The following CHIC2 variants were observed in gnomAD, a reference collection of about 807,000 sequenced individuals.
The protein encoded by CHIC2 is cysteine rich hydrophobic domain 2.
CHIC2 carries 14 observed loss-of-function variants against 25.9 expected under a neutral mutation model. The ratio of observed to expected loss-of-function variants is 0.54; its 90% confidence interval spans 0.36 to 0.85. The LOEUF is 0.85. CHIC2 is among the 40% of genes least tolerant of loss of function. The pLI, the probability that CHIC2 is intolerant of heterozygous loss-of-function variation, is 0.01. For synonymous variants in CHIC2, 70 were observed against 72.0 expected, an observed-to-expected ratio of 0.97 and a Z score of 0.14; for missense variants, 146 against 202.0, an observed-to-expected ratio of 0.72 and a Z score of 1.68.
the CHIC2 span, among the ~76,000 whole-genome samples, chr4:54,081,883 C>G: frequency 9.2e-4 from 140 of 152,110 alleles, no homozygotes; most frequent in Non-Finnish European, 1.5e-3. Flanking sequence ...CATTGGGAAG[C>G]AAATGTTTTG....
chr4:54,057,968 T>C (rs1385456214), intron 1 of CHIC2, among the ~76,000 whole-genome samples: 1 of 152,126 alleles, frequency 6.6e-6, no homozygotes, highest in African/African-American at 2.4e-5. Flanking sequence ...AGCCCACATA[T>C]GAAATTTAAA....
At chr4:54,056,819 T>C (rs1717191186) in intron 1 of CHIC2, among the ~76,000 whole-genome samples, 2 of 152,182 alleles carry the variant, frequency 1.3e-5, no homozygotes, top group Non-Finnish European at 2.9e-5. Context: ...ACAATTTTTT[T>C]CCTCAAATCT....
chr4:54,087,738 C>T, the CHIC2 span: 18 of 508,598 alleles, frequency 3.5e-5, no homozygotes, highest in Middle Eastern at 3.0e-4. Flanking sequence ...TTTTTACTGG[C>T]GGTGATTACA....
intron 3 of CHIC2, among the ~76,000 whole-genome samples, chr4:54,046,187 G>A (rs946127621): frequency 2.6e-5 from 4 of 152,176 alleles, no homozygotes; most frequent in African/African-American, 9.7e-5. Context: ...CATGCTCATG[G>A]ATAGCAAGAA....
chr4:54,052,133 T>TTTA (rs1717023508), intron 1 of CHIC2, among the ~76,000 whole-genome samples: 1 of 152,188 alleles, frequency 6.6e-6, no homozygotes, highest in Non-Finnish European at 1.5e-5. Flanking sequence ...CCTTTTTTTT[T>TTTA]AATCCAAATC....
chr4:54,039,232 G>A (rs970235717), intron 3 of CHIC2, among the ~76,000 whole-genome samples: 5 of 151,800 alleles, frequency 3.3e-5, no homozygotes, highest in Admixed American at 6.6e-5. Flanking sequence ...TTTTTAAAGC[G>A]ATGAATTCAT....
intron 3 of CHIC2, among the ~76,000 whole-genome samples, chr4:54,032,646 TAC>T (rs917239772): frequency 9.4e-5 from 14 of 149,544 alleles, no homozygotes; most frequent in African/African-American, 3.3e-4. Flanking sequence ...TATACCTAAT[TAC>T]AGAGTGCCAA....
chr4:54,067,807 A>G (rs1325631996), upstream of CHIC2, among the ~76,000 whole-genome samples: 1 of 152,112 alleles, frequency 6.6e-6, no homozygotes, highest in Non-Finnish European at 1.5e-5. Context: ...CAGAGTGGCC[A>G]TTGGCAGCTT....
intron 3 of CHIC2, among the ~76,000 whole-genome samples, chr4:54,045,799 G>C (rs891916034): frequency 3.9e-5 from 6 of 152,130 alleles, no homozygotes; most frequent in Admixed American, 3.9e-4. Context: ...GTTCTGGCCA[G>C]GGCAATCAGG....
chr4:54,068,452 C>T (rs1348720279), upstream of CHIC2, among the ~76,000 whole-genome samples: 1 of 152,168 alleles, frequency 6.6e-6, no homozygotes, highest in Non-Finnish European at 1.5e-5. Flanking sequence ...CCAAAGCTAC[C>T]AGCCGTTTGA....
At chr4:54,072,448 C>A in the CHIC2 span, among the ~76,000 whole-genome samples, 1 of 152,164 alleles carries the variant, frequency 6.6e-6, no homozygotes, top group African/African-American at 2.4e-5. Context: ...CCAGAATGAA[C>A]CCAAAAGTCA....
intron 1 of CHIC2, among the ~76,000 whole-genome samples, chr4:54,058,661 C>T (rs1717248544): frequency 6.6e-6 from 1 of 151,280 alleles, no homozygotes; most frequent in South Asian, 2.1e-4. Context: ...ATATTTAAAG[C>T]TTAATTTTAT....
At chr4:54,034,450 T>G (rs1457141967) in intron 3 of CHIC2, among the ~76,000 whole-genome samples, 2 of 152,074 alleles carry the variant, frequency 1.3e-5, no homozygotes, top group Non-Finnish European at 2.9e-5. Flanking sequence ...ACCAATATTT[T>G]CCCCCACTTA....
Position 54,064,184 on chromosome 4 carries a change from G to A in CHIC2, c.117C>T (p.Thr39=), listed in dbSNP as rs372878282. ...PVVVRGSGHV[T]VFGLSNKFES... is the part of the protein sequence containing the mutation. ...CCTCGCCCTCCTCCGGGCCTTACAC[G>A]GTGACGTGACCGGAGCCGCGGACGA... is the stretch of plus-strand genomic sequence containing the variant. The change falls in exon 1 of 6, where the codon ACC becomes ACT. Residue 39 remains threonine, a splice_region_variant and synonymous_variant. Transcript: ENST00000263921. The surrounding 1 kb of genome is among the most constrained non-coding windows in gnomAD (Gnocchi z 4.2). The A allele has an allele frequency of 3.7e-5, 60 of 1,602,798 alleles. No individual in the cohort carries two copies. The highest frequency in any genetic ancestry group is 4.9e-5 in the Non-Finnish European group (58 of 1,174,844).
At chr4:54,065,979 C>G (rs1717509986), upstream of CHIC2, among the ~76,000 whole-genome samples, 2 of 152,224 alleles carry the variant, frequency 1.3e-5, no homozygotes, top group South Asian at 4.1e-4. Flanking sequence ...ATCTACTGAA[C>G]TCTAGCTATG....
At chr4:54,073,571 C>T in the CHIC2 span, among the ~76,000 whole-genome samples, 1 of 152,118 alleles carries the variant, frequency 6.6e-6, no homozygotes. Context: ...AGTGAGCCAC[C>T]CTAAAATTGG....
chr4:54,078,498 A>C, the CHIC2 span, among the ~76,000 whole-genome samples: 1 of 152,132 alleles, frequency 6.6e-6, no homozygotes, highest in Non-Finnish European at 1.5e-5. Flanking sequence ...CAACCTTAAA[A>C]GATCTCTCAT....
At position 54,064,418 on chromosome 4, in the gene CHIC2, G is replaced by A. The variant is rs960345222; in HGVS notation, c.-118C>T. On this transcript the variant is annotated 5_prime_UTR_variant, in exon 1 of 6. Transcript: ENST00000263921. This position sits in a 1 kb window ranked among gnomAD's most constrained non-coding sequence, Gnocchi z 4.2. ...CGCCGCTGCCGCCGGCTCCGAGGCC[G>A]CGGAGTTCGCTGTCGGCTGTCTCGG... is the stretch of plus-strand genomic sequence containing the variant. 1 of 1,528,400 alleles carries A rather than the reference G, an allele frequency of 6.5e-7. No homozygotes were observed. Among genetic ancestry groups the A allele is most frequent in the Non-Finnish European group, 8.8e-7 (1 of 1,140,738 alleles). The allele number at this position is 1,528,400 out of a possible 1,614,324, so 94.7% of individuals were successfully genotyped here. A position where few individuals can be genotyped will look rare whatever the true frequency, so the allele number is the denominator to read the frequency against.
At chr4:54,073,711 C>T in the CHIC2 span, among the ~76,000 whole-genome samples, 2 of 152,106 alleles carry the variant, frequency 1.3e-5, no homozygotes, top group Non-Finnish European at 2.9e-5. Flanking sequence ...TTTTAAGCTA[C>T]CAAGTTTTGG....
Sources: allele counts gnomAD v4.1 joint callset (sites outside exome capture counted in the v4.1 genomes callset), GRCh38; gene constraint gnomAD v4.1.1; non-coding constraint Gnocchi (gnomAD v3.1); transcripts MANE v1.5; gene names NCBI Gene and HGNC (gene_info 2026-07-23, HGNC 2026-07-21).